GRIK4: variants seen among roughly 807,000 people sequenced by gnomAD.
The protein encoded by GRIK4 is glutamate ionotropic receptor kainate type subunit 4, also known as glutamate receptor ionotropic, kainate 4.
In GRIK4, 40 loss-of-function variants were observed where a neutral mutation model predicts 104.9. That is an observed-to-expected ratio of 0.38 (90% confidence interval 0.30 to 0.50). GRIK4 has a LOEUF of 0.50. Among genes scored for constraint, GRIK4 ranks in the 20% least tolerant of loss-of-function variants. The pLI is 0.93. For missense variants in GRIK4, 1,047 were observed against 1,308.1 expected, an observed-to-expected ratio of 0.80 and a Z score of 3.08; for synonymous variants, 485 against 524.9, an observed-to-expected ratio of 0.92 and a Z score of 1.04.
chr11:120,908,110 C>A (rs1434313501), intron 13 of GRIK4, among the ~76,000 whole-genome samples: 1 of 152,128 alleles, frequency 6.6e-6, no homozygotes, highest in East Asian at 1.9e-4. Flanking sequence ...CTGAAAGAGA[C>A]CTTAGAAGCC....
chr11:120,568,975 T>C (rs979535153), intron 1 of GRIK4, among the ~76,000 whole-genome samples: 10 of 152,242 alleles, frequency 6.6e-5, no homozygotes, highest in African/African-American at 2.4e-4. Flanking sequence ...CTCTCTAATG[T>C]GCCCCAAAAT....
intron 3 of GRIK4, among the ~76,000 whole-genome samples, chr11:120,787,362 T>C (rs1019866061): frequency 3.3e-5 from 5 of 152,160 alleles, no homozygotes; most frequent in African/African-American, 9.6e-5. Flanking sequence ...ACATAGTGTT[T>C]GTGAAATTTG....
At chr11:120,884,509 G>T (rs12577602) in intron 11 of GRIK4, among the ~76,000 whole-genome samples, 33,776 of 152,122 alleles carry the variant, frequency 0.22, 4,610 homozygotes, top group East Asian at 0.46. Context: ...TACCAGGCTG[G>T]CCACTCAGGG....
At chr11:120,607,211 C>T (rs1035221656) in intron 1 of GRIK4, among the ~76,000 whole-genome samples, 6 of 152,110 alleles carry the variant, frequency 3.9e-5, no homozygotes, top group South Asian at 2.1e-4. Context: ...TGGTGGTGAC[C>T]GGTTCAGTAT....
rs140201724 is a variant in GRIK4, at chr11:120,531,909, G to T, written c.-159+20022G>T. 4.4e-3 allele frequency among the ~76,000 whole-genome samples: 670 copies of T among 152,220 alleles called. 8 individuals carry two copies. The highest frequency in any genetic ancestry group is 0.015 in the African/African-American group (603 of 41,524). On this transcript the variant is annotated intron_variant, in intron 1 of 20. Transcript: ENST00000527524. ...TCTCTTAGCACCTTGCAACCTCATG[G>T]TTGTGGCCCAAGGATGTCATACCAG...
intron 1 of GRIK4, among the ~76,000 whole-genome samples, chr11:120,522,294 G>A (rs978181199): frequency 6.6e-6 from 1 of 152,172 alleles, no homozygotes; most frequent in Non-Finnish European, 1.5e-5. Context: ...CTTAGACTGA[G>A]CCAAATTGAT....
At chr11:120,868,190 C>G (rs1293310580) in intron 9 of GRIK4, 1 of 152,188 alleles carries the variant, frequency 6.6e-6, no homozygotes, top group Admixed American at 6.5e-5. Flanking sequence ...TCAGCCACAG[C>G]TCCCTGAGTC....
At chr11:120,767,436 A>G (rs977096250) in intron 3 of GRIK4, among the ~76,000 whole-genome samples, 13 of 152,272 alleles carry the variant, frequency 8.5e-5, no homozygotes, top group East Asian at 5.8e-4. Context: ...TTAAAAATAA[A>G]TTTTGGATGT....
chr11:120,822,843 C>T (rs1226298252), intron 6 of GRIK4, among the ~76,000 whole-genome samples: 1 of 152,142 alleles, frequency 6.6e-6, no homozygotes, highest in Non-Finnish European at 1.5e-5. Context: ...GTCCTGTGGC[C>T]AAAACATGTA....
At chr11:120,550,984 A>G (rs113189470) in intron 1 of GRIK4, among the ~76,000 whole-genome samples, 93 of 152,240 alleles carry the variant, frequency 6.1e-4, no homozygotes, top group African/African-American at 2.1e-3. Flanking sequence ...GAAGGGCATG[A>G]TCTAATGTGG....
At chr11:120,824,417 C>T (rs76716142) in intron 6 of GRIK4, among the ~76,000 whole-genome samples, 7,475 of 152,250 alleles carry the variant, frequency 0.049, 200 homozygotes, top group Middle Eastern at 0.092. Context: ...TTGGTCAGAT[C>T]ACCCAGCCCT....
chr11:120,882,178 C>T (rs974765123), intron 11 of GRIK4, among the ~76,000 whole-genome samples: 2 of 152,124 alleles, frequency 1.3e-5, no homozygotes, highest in Non-Finnish European at 2.9e-5. Flanking sequence ...CTGACCCCAT[C>T]ATAGCTCCAG....
intron 1 of GRIK4, among the ~76,000 whole-genome samples, chr11:120,512,351 C>G (rs1306925101): frequency 1.3e-5 from 2 of 151,848 alleles, no homozygotes; most frequent in Non-Finnish European, 2.9e-5. Context: ...CCCAGCGCCT[C>G]TGTTCCCCGG....
intron 1 of GRIK4, among the ~76,000 whole-genome samples, chr11:120,639,091 G>A (rs1438881899): frequency 1.3e-5 from 2 of 152,038 alleles, no homozygotes; most frequent in Non-Finnish European, 2.9e-5. Flanking sequence ...GCCCACTCAG[G>A]AGTGGAGGCA....
intron 1 of GRIK4, among the ~76,000 whole-genome samples, chr11:120,586,314 GT>G (rs1425730463): frequency 3.9e-5 from 6 of 152,100 alleles, no homozygotes; most frequent in Non-Finnish European, 5.9e-5. Context: ...GGCATGAAGT[GT>G]AGGGTGATGA....
At chr11:120,583,453 G>T (rs1323181142) in intron 1 of GRIK4, among the ~76,000 whole-genome samples, 1 of 152,126 alleles carries the variant, frequency 6.6e-6, no homozygotes, top group Non-Finnish European at 1.5e-5. Flanking sequence ...GTATTTCCTA[G>T]GTTATCTTCC....
intron 13 of GRIK4, among the ~76,000 whole-genome samples, chr11:120,906,932 C>T (rs1247527437): frequency 6.6e-6 from 1 of 152,142 alleles, no homozygotes; most frequent in Non-Finnish European, 1.5e-5. Context: ...AGACGGCTGA[C>T]AAGTCAACAG....
At chr11:120,601,989 T>C (rs555436605) in intron 1 of GRIK4, among the ~76,000 whole-genome samples, 30 of 152,192 alleles carry the variant, frequency 2.0e-4, no homozygotes, top group African/African-American at 7.2e-4. Context: ...GTCTGGAGGA[T>C]TGAAATGGAA....
In GRIK4 at chr11:120,986,428, A is replaced by G; in HGVS notation, c.*168A>G. ...AAGGAGCCTGACGCCCCAGCCAGAG[A>G]CCGCGCCCGGTCAGGGAGCAGGGTC... On this transcript the variant is annotated 3_prime_UTR_variant, in exon 21 of 21. Coordinates refer to ENST00000527524, the MANE Select transcript of GRIK4 (RefSeq NM_014619.5). The G allele has an allele frequency of 1.0e-6, 1 of 967,188 alleles. No individual in the cohort carries two copies. The allele number at this position is 967,188 out of a possible 1,614,324, so 59.9% of individuals were successfully genotyped here.
Sources: gnomAD v4.1 joint callset for allele counts (sites outside exome capture counted in the v4.1 genomes callset) on GRCh38, gnomAD v4.1.1 for gene constraint, MANE v1.5 for transcripts, NCBI Gene and HGNC (gene_info 2026-07-23, HGNC 2026-07-21) for gene names.